NUP205: variants seen among roughly 807,000 people sequenced by gnomAD.
The protein encoded by NUP205 is nucleoporin 205.
A neutral mutation model predicts 253.8 loss-of-function variants in NUP205; 76 were observed. That is an observed-to-expected ratio of 0.30 (90% CI 0.25 to 0.36). The LOEUF (loss-of-function observed/expected upper bound fraction) is 0.36, where lower values mean the gene tolerates loss of function less well. Ranked by LOEUF, NUP205 falls within the 10% of genes least tolerant of loss-of-function variation. The pLI, the probability that NUP205 is intolerant of heterozygous loss-of-function variation, is 1.00. For synonymous variants in NUP205, 832 were observed against 850.1 expected (o/e 0.98, Z 0.37); for missense variants, 2,162 against 2,425.5 (o/e 0.89, Z 2.28).
In NUP205 at chr7:135,601,437, A is replaced by C; in HGVS notation, c.2442A>C (p.Pro814=). The C allele has an allele frequency of 6.2e-7, 1 of 1,613,918 alleles. No homozygotes were observed. The highest frequency in any genetic ancestry group is 8.5e-7 in the Non-Finnish European group (1 of 1,179,864). Residue 814 remains proline, a synonymous_variant, in exon 17 of 43, where the codon CCA becomes CCC. Coordinates refer to ENST00000285968, the MANE Select transcript of NUP205 (RefSeq NM_015135.3). ...TGTATCATCTGCTGAATGAGTCACC[A>C]ATGTTGGAGCTTGCTCTCAGTTTAC... The part of the protein sequence containing the change: ...SLMYHLLNES[P]MLELALSLLE...
At chr7:135,574,066 G>A (rs1374111978) in intron 3 of NUP205, among the ~76,000 whole-genome samples, 3 of 151,872 alleles carry the variant, frequency 2.0e-5, no homozygotes, top group Non-Finnish European at 2.9e-5. Flanking sequence ...TCCACTTACC[G>A]GGTTCAAGTG....
At position 135,615,895 on chromosome 7, in the gene NUP205, AT is replaced by A; in HGVS notation, c.3311-18del. On this transcript the variant is annotated intron_variant, in intron 23 of 42. Transcript: ENST00000285968. ...CTGTGTTATTACTCTGGGAAACAAA[AT>A]TTACATGTTTAAATTCTAGAATATG... The A allele has an allele frequency of 6.3e-7, 1 of 1,593,738 alleles. No individual in the cohort carries two copies. The highest frequency in any genetic ancestry group is 8.6e-7 in the Non-Finnish European group (1 of 1,168,800).
chr7:135,587,982 C>A lies in NUP205; in HGVS notation c.1463C>A (p.Pro488His). 2 of 1,612,516 alleles carry A rather than the reference C, an allele frequency of 1.2e-6. No homozygotes were observed. The highest frequency in any genetic ancestry group is 1.7e-6 in the Non-Finnish European group (2 of 1,179,588). The stretch of plus-strand genomic sequence containing the variant: ...CTAGGGGTGGCTCATCAGCGGCCCC[C>A]TCAACGCCAGGTGAGTCTTTAGGTT... ...SYLGVAHQRPPQRQVVLSKFV... is the reference protein window; with the variant it reads ...SYLGVAHQRPHQRQVVLSKFV... Residue 488 changes from proline (P) to histidine (H), a missense_variant, in exon 10 of 43, where the codon CCT (proline) becomes CAT (histidine). By Grantham distance (77) the Pro-to-His change is moderately conservative. Around this residue, in one of 5 missense-constraint regions of NUP205, gnomAD observed 892 missense variants for 957.1 expected, o/e 0.93. Transcript: ENST00000285968.
In NUP205 at chr7:135,568,963, G is replaced by A. The variant is rs1805864669; in HGVS notation, c.29-2142G>A. Among the ~76,000 whole-genome samples the A allele has an allele frequency of 2.0e-5, 3 of 152,128 alleles. 1 individual carries two copies. The highest frequency in any genetic ancestry group is 1.3e-4 in the Admixed American group (2 of 15,260). On this transcript the variant is annotated intron_variant, in intron 1 of 42. Coordinates refer to ENST00000285968, the MANE Select transcript of NUP205 (RefSeq NM_015135.3). Reference sequence around the variant, plus strand: ...TGCCAACAATCATATTCCTTTACTGGAATATTTCACTTATGTACATTTTAT... The same window carrying A: ...TGCCAACAATCATATTCCTTTACTGAAATATTTCACTTATGTACATTTTAT...
chr7:135,612,288 C>A (rs541314992), intron 22 of NUP205, among the ~76,000 whole-genome samples: 4 of 152,246 alleles, frequency 2.6e-5, no homozygotes, highest in African/African-American at 9.6e-5. Context: ...TGTCTGGTTC[C>A]AACATTCTTG....
At chr7:135,584,190 A>G (rs894241572) in intron 7 of NUP205, among the ~76,000 whole-genome samples, 6 of 152,050 alleles carry the variant, frequency 3.9e-5, no homozygotes, top group Non-Finnish European at 7.4e-5. Context: ...CTTTAATGAG[A>G]TATGTATGAG....
intron 37 of NUP205, 100 bp downstream of exon 37, chr7:135,638,159 C>T (rs1243032513): frequency 3.0e-6 from 4 of 1,330,256 alleles, no homozygotes; most frequent in East Asian, 2.4e-5. Flanking sequence ...CCTATAATCC[C>T]AGCACTTTGG....
At position 135,626,235 on chromosome 7, in the gene NUP205, C is replaced by T. The variant is rs1414412682; in HGVS notation, c.4672-5C>T. 2 of 1,614,026 alleles carry T rather than the reference C, an allele frequency of 1.2e-6. No individual in the cohort carries two copies. Among genetic ancestry groups the T allele is most frequent in the South Asian group, 2.2e-5 (2 of 91,062 alleles). On this transcript the variant is annotated splice_region_variant and splice_polypyrimidine_tract_variant and intron_variant, in intron 32 of 42. Transcript: ENST00000285968. The stretch of plus-strand genomic sequence containing the variant: ...ACTGATGATTTTTCTCTTGTAACTC[C>T]TCAGGCATTTCTCACAAGAGTGGCA...
At chr7:135,615,064 T>G (rs1794327255) in intron 23 of NUP205, among the ~76,000 whole-genome samples, 1 of 152,212 alleles carries the variant, frequency 6.6e-6, no homozygotes, top group Admixed American at 6.5e-5. Context: ...GGGATTTTGT[T>G]TAAGAAGCTT....
At chr7:135,631,929 T>G (rs1794723538) in intron 35 of NUP205, among the ~76,000 whole-genome samples, 1 of 152,080 alleles carries the variant, frequency 6.6e-6, no homozygotes, top group African/African-American at 2.4e-5. Flanking sequence ...TTTTGTATTT[T>G]TAGTAGAGAC....
chr7:135,608,858 T>G (rs962832265), intron 22 of NUP205, among the ~76,000 whole-genome samples: 5 of 152,042 alleles, frequency 3.3e-5, no homozygotes, highest in African/African-American at 1.2e-4. Context: ...CCCAGCACTT[T>G]GGGAGGCTAA....
chr7:135,584,430 G>T (rs1465050285), intron 7 of NUP205, among the ~76,000 whole-genome samples: 1 of 152,170 alleles, frequency 6.6e-6, no homozygotes, highest in Admixed American at 6.5e-5. Flanking sequence ...ACCTATTCAT[G>T]TTCAGGTTTT....
intron 16 of NUP205, 64 bp downstream of exon 16, chr7:135,601,033 T>C: frequency 1.3e-6 from 1 of 787,738 alleles, no homozygotes; most frequent in Admixed American, 2.6e-5. Flanking sequence ...ATTATGGCTA[T>C]GTTATATATA....
intron 39 of NUP205, 138 bp downstream of exon 39, chr7:135,643,496 A>G (rs967231827): frequency 7.6e-6 from 5 of 656,740 alleles, no homozygotes; most frequent in South Asian, 2.8e-5. Flanking sequence ...TTTGAAGAAG[A>G]CTCCTTCGCC....
At chr7:135,600,661 A>G (rs1228387745) in intron 15 of NUP205, among the ~76,000 whole-genome samples, 2 of 152,212 alleles carry the variant, frequency 1.3e-5, no homozygotes, top group African/African-American at 4.8e-5. Context: ...CATTGAAAAT[A>G]TTTTACCTTG....
intron 35 of NUP205, among the ~76,000 whole-genome samples, chr7:135,631,840 C>G (rs557458124): frequency 4.6e-5 from 7 of 151,252 alleles, no homozygotes; most frequent in Non-Finnish European, 1.0e-4. Flanking sequence ...AGCTCCGCCT[C>G]CCCGATTCAC....
At chr7:135,633,172 C>A (rs899626462) in intron 35 of NUP205, among the ~76,000 whole-genome samples, 1 of 151,978 alleles carries the variant, frequency 6.6e-6, no homozygotes, top group African/African-American at 2.4e-5. Context: ...GCTATGTTGC[C>A]CAGGTGTTCT....
chr7:135,638,435 ATACAC>A, intron 37 of NUP205, 117 bp from the exon 38 acceptor site: 2 of 873,912 alleles, frequency 2.3e-6, no homozygotes, highest in Non-Finnish European at 3.5e-6. Flanking sequence ...AAAAAAAAGA[ATACAC>A]AGATGTGAGT....
intron 38 of NUP205, among the ~76,000 whole-genome samples, chr7:135,642,584 G>A (rs188777390): frequency 1.4e-4 from 21 of 152,298 alleles, no homozygotes; most frequent in African/African-American, 4.6e-4. Context: ...CAGGTAAAAG[G>A]CAGATCATTT....
Sources: gnomAD v4.1 joint callset for allele counts (sites outside exome capture counted in the v4.1 genomes callset) on GRCh38, gnomAD v4.1.1 for gene constraint, gnomAD v4.1.1 regional missense constraint, MANE v1.5 for transcripts, NCBI Gene and HGNC (gene_info 2026-07-23, HGNC 2026-07-21) for gene names.